NDST4: variants seen among roughly 807,000 people sequenced by gnomAD.
NDST4 encodes N-deacetylase and N-sulfotransferase 4.
NDST4 carries 63 observed loss-of-function variants against 100.8 expected under a neutral mutation model. That is an observed-to-expected ratio of 0.62 (90% CI 0.51 to 0.77). NDST4 has a LOEUF of 0.77. NDST4 is among the 30% of genes least tolerant of loss of function. NDST4 has a pLI of 0.00. For synonymous variants in NDST4, 377 were observed against 361.8 expected (o/e 1.04, Z -0.48); for missense variants, 943 against 1,018.4 (o/e 0.93, Z 1.01).
At chr4:114,828,650 T>G (rs1030394735) in intron 13 of NDST4, among the ~76,000 whole-genome samples, 14 of 152,206 alleles carry the variant, frequency 9.2e-5, no homozygotes, top group Non-Finnish European at 1.3e-4. Context: ...TAATTGGACT[T>G]TCTTTCTGGA....
intron 13 of NDST4, among the ~76,000 whole-genome samples, chr4:114,828,938 C>T (rs115865556): frequency 6.6e-6 from 1 of 152,184 alleles, no homozygotes; most frequent in Non-Finnish European, 1.5e-5. Flanking sequence ...CATTATGTTT[C>T]TTCCCTTAAA....
intron 2 of NDST4, among the ~76,000 whole-genome samples, chr4:115,068,423 T>C (rs1728997490): frequency 1.3e-5 from 2 of 152,142 alleles, no homozygotes; most frequent in Admixed American, 6.6e-5. Flanking sequence ...ACAGATTTTG[T>C]TTTCTACTTT....
At chr4:115,085,050 G>A (rs1351373789) in intron 1 of NDST4, among the ~76,000 whole-genome samples, 5 of 152,206 alleles carry the variant, frequency 3.3e-5, no homozygotes, top group Non-Finnish European at 5.9e-5. Flanking sequence ...AAAAGCTACA[G>A]GGGTGGAGCT....
intron 6 of NDST4, among the ~76,000 whole-genome samples, chr4:114,909,431 C>G (rs1006344689): frequency 2.6e-5 from 4 of 151,296 alleles, no homozygotes; most frequent in South Asian, 2.1e-4. Context: ...GAGGCCGAGG[C>G]GGGTGGATCA....
intron 2 of NDST4, among the ~76,000 whole-genome samples, chr4:115,058,433 T>A (rs185462592): frequency 5.3e-4 from 81 of 152,304 alleles, no homozygotes; most frequent in Non-Finnish European, 9.1e-4. Context: ...TTAATCATTA[T>A]ATTGACTGCT....
intron 7 of NDST4, among the ~76,000 whole-genome samples, chr4:114,859,067 G>T (rs574129351): frequency 6.6e-6 from 1 of 152,180 alleles, no homozygotes; most frequent in Non-Finnish European, 1.5e-5. Context: ...AACTGTAAAT[G>T]GCAAAGTATG....
intron 3 of NDST4, among the ~76,000 whole-genome samples, chr4:114,971,591 G>C (rs1216317776): frequency 3.9e-5 from 6 of 152,102 alleles, no homozygotes; most frequent in Non-Finnish European, 7.4e-5. Flanking sequence ...GTAAATAAGA[G>C]AATAAGTCCT....
chr4:115,079,004 A>T (rs998378732), intron 1 of NDST4, among the ~76,000 whole-genome samples: 1 of 152,090 alleles, frequency 6.6e-6, no homozygotes, highest in South Asian at 2.1e-4. Flanking sequence ...AGTTGCAGCT[A>T]TATAGTCATT....
chr4:115,035,141 C>T (rs1728205258), intron 2 of NDST4, among the ~76,000 whole-genome samples: 1 of 152,086 alleles, frequency 6.6e-6, no homozygotes, highest in South Asian at 2.1e-4. Context: ...TTTATAATTT[C>T]ATTTGCTTGC....
chr4:114,865,071 CTT>C (rs11433054), intron 7 of NDST4, among the ~76,000 whole-genome samples: 11,564 of 146,232 alleles, frequency 0.079, 519 homozygotes, highest in East Asian at 0.13. Flanking sequence ...ATTTTTTTTT[CTT>C]TTTTTTTTTG....
intron 2 of NDST4, among the ~76,000 whole-genome samples, 199 bp from the exon 3 acceptor site, chr4:114,977,473 T>C (rs1012682992): frequency 1.3e-5 from 2 of 152,006 alleles, no homozygotes; most frequent in Non-Finnish European, 1.5e-5. Flanking sequence ...CACCATATTA[T>C]GAAACAGTTA....
At chr4:114,953,927 A>G (rs1297964417) in intron 4 of NDST4, among the ~76,000 whole-genome samples, 1 of 152,182 alleles carries the variant, frequency 6.6e-6, no homozygotes, top group Non-Finnish European at 1.5e-5. Context: ...TAAGTGTTCT[A>G]TATGCAGTAA....
intron 2 of NDST4, among the ~76,000 whole-genome samples, chr4:115,074,737 T>C (rs915345052): frequency 6.6e-6 from 1 of 152,152 alleles, no homozygotes; most frequent in Non-Finnish European, 1.5e-5. Flanking sequence ...CATCAGGTCT[T>C]AGGATGAAAA....
chr4:115,081,093 A>G (rs1729292142), intron 1 of NDST4, among the ~76,000 whole-genome samples: 1 of 141,206 alleles, frequency 7.1e-6, no homozygotes, highest in Non-Finnish European at 1.5e-5. Flanking sequence ...ATAGTGAAAA[A>G]TAAATTAAAA....
intron 12 of NDST4, among the ~76,000 whole-genome samples, chr4:114,832,887 C>G (rs1378036584): frequency 2.0e-5 from 3 of 152,148 alleles, no homozygotes; most frequent in African/African-American, 4.8e-5. Context: ...TGATCTCAGC[C>G]TTTGAGCCAT....
intron 2 of NDST4, among the ~76,000 whole-genome samples, chr4:115,066,667 G>A (rs527841486): frequency 5.5e-4 from 84 of 152,262 alleles, no homozygotes; most frequent in Middle Eastern, 6.8e-3. Flanking sequence ...GATACTGCCT[G>A]TTTTTCTCCT....
chr4:114,937,598 C>T, intron 4 of NDST4, 95 bp from the exon 5 acceptor site: 3 of 992,970 alleles, frequency 3.0e-6, no homozygotes, highest in Non-Finnish European at 4.3e-6. Flanking sequence ...ACATTGAACT[C>T]TATGCTAAAT....
intron 1 of NDST4, among the ~76,000 whole-genome samples, chr4:115,077,929 A>G (rs996704522): frequency 6.6e-6 from 1 of 152,198 alleles, no homozygotes; most frequent in African/African-American, 2.4e-5. Context: ...CAGAACGCTT[A>G]GGTGAAAAGA....
intron 3 of NDST4, among the ~76,000 whole-genome samples, chr4:114,976,438 C>T (rs573755569): frequency 4.2e-4 from 64 of 151,596 alleles, no homozygotes; most frequent in African/African-American, 1.5e-3. Context: ...CTTTCTCTAA[C>T]ATGGTACCAG....
Sources: gnomAD v4.1 joint callset for allele counts (sites outside exome capture counted in the v4.1 genomes callset) on GRCh38, gnomAD v4.1.1 for gene constraint, MANE v1.5 for transcripts, NCBI Gene and HGNC (gene_info 2026-07-23, HGNC 2026-07-21) for gene names.